SP100: variants seen among roughly 807,000 people sequenced by gnomAD.
SP100 encodes SP100 nuclear body protein, also known as nuclear autoantigen Sp-100.
In SP100, 84 loss-of-function variants were observed where a neutral mutation model predicts 130.0. That is an observed-to-expected ratio of 0.65 (90% CI 0.54 to 0.77). The LOEUF is 0.77. Ranked by LOEUF, SP100 falls within the 30% of genes least tolerant of loss-of-function variation. The pLI, the probability that SP100 is intolerant of heterozygous loss-of-function variation, is 0.00. For synonymous variants in SP100, 331 were observed against 351.7 expected, an observed-to-expected ratio of 0.94 and a Z score of 0.66; for missense variants, 978 against 1,052.2, an observed-to-expected ratio of 0.93 and a Z score of 0.97.
rs1485314178 is a variant in SP100 at position 230,443,061 on chromosome 2, C to T, written c.232C>T (p.Leu78Phe). The change falls in exon 3 of 29, where the codon CTC (leucine) becomes TTC (phenylalanine). Residue 78 changes from leucine to phenylalanine, a missense_variant. Coordinates refer to ENST00000340126, the MANE Select transcript of SP100 (RefSeq NM_001080391.2). ...IKKTFPFLEG[L>F]RDRDLITNKM... is the part of the protein sequence containing the mutation. ...AAAGACATTTCCATTCCTCGAGGGC[C>T]TCCGTGATCGTGATCTCATCACAAA... The T allele has an allele frequency of 4.3e-6, 7 of 1,613,934 alleles. No homozygotes were observed. The highest frequency in any genetic ancestry group is 5.9e-6 in the Non-Finnish European group (7 of 1,179,920).
chr2:230,491,973 A>G (rs760149620), intron 17 of SP100, among the ~76,000 whole-genome samples: 8 of 152,136 alleles, frequency 5.3e-5, no homozygotes, highest in African/African-American at 1.9e-4. Flanking sequence ...TATACTTCCA[A>G]TTTAAAGAAG....
In SP100 at chr2:230,543,458, T is replaced by C. The variant is rs958113342; in HGVS notation, c.*512T>C. 2 of 152,200 alleles carry C rather than the reference T, an allele frequency of 1.3e-5. No homozygotes were observed. Among genetic ancestry groups the C allele is most frequent in the African/African-American group, 4.8e-5 (2 of 41,434 alleles). The allele number at this position is 152,200 out of a possible 1,614,324, so 9.4% of individuals were successfully genotyped here. On this transcript the variant is annotated 3_prime_UTR_variant, in exon 29 of 29. Transcript: ENST00000340126. ...TTCTGCTGATAAACAATTTCAGAGA[T>C]GTTTCAGAATACAAAATTAGTATAT...
intron 2 of SP100, among the ~76,000 whole-genome samples, chr2:230,425,223 C>T (rs937964879): frequency 3.3e-4 from 50 of 152,110 alleles, no homozygotes; most frequent in African/African-American, 1.2e-3. Context: ...CTATAGTTTC[C>T]ATACTACACA....
At chr2:230,449,791 A>G (rs2149923925) in intron 7 of SP100, 81 bp downstream of exon 7, 4 of 1,392,854 alleles carry the variant, frequency 2.9e-6, no homozygotes, top group Non-Finnish European at 4.0e-6. Flanking sequence ...AATGCACAAT[A>G]CAAGGAGACA....
Position 230,544,318 on chromosome 2 carries a change from A to G in SP100, c.*1372A>G, listed in dbSNP as rs1692259624. On this transcript the variant is annotated 3_prime_UTR_variant, in exon 29 of 29. Transcript: ENST00000340126. ...TCTAATTAAACTTAAGAGATTCTGC[A>G]CAGCAAAAGAAACAATCAACAGAGT... Among the ~76,000 whole-genome samples, 1 of 152,276 alleles carries G rather than the reference A, an allele frequency of 6.6e-6. No individual in the cohort carries two copies. Among genetic ancestry groups the G allele is most frequent in the Admixed American group, 6.5e-5 (1 of 15,290 alleles).
intron 20 of SP100, 73 bp downstream of exon 20, chr2:230,503,183 A>G: frequency 8.6e-7 from 1 of 1,167,784 alleles, no homozygotes; most frequent in Non-Finnish European, 1.2e-6. Flanking sequence ...GTGAGTAACA[A>G]GTCAGTTTTC....
intron 15 of SP100, 158 bp from the exon 16 acceptor site, chr2:230,473,166 A>C (rs2149999325): frequency 1.8e-6 from 1 of 542,552 alleles, no homozygotes; most frequent in East Asian, 2.9e-5. Flanking sequence ...ACAGAAGGGA[A>C]AAATACAGTG....
chr2:230,489,024 T>C (rs1023254262), intron 17 of SP100, among the ~76,000 whole-genome samples: 1 of 152,222 alleles, frequency 6.6e-6, no homozygotes, highest in Non-Finnish European at 1.5e-5. Flanking sequence ...ATCAGGATGA[T>C]GCTGGCTTCA....
chr2:230,418,802 T>G (rs1479039808), intron 2 of SP100, among the ~76,000 whole-genome samples: 2 of 152,118 alleles, frequency 1.3e-5, no homozygotes, highest in Non-Finnish European at 2.9e-5. Flanking sequence ...TTCTCTCCCC[T>G]TGGCCGGTGA....
chr2:230,432,032 TG>T (rs2063113751), intron 2 of SP100, among the ~76,000 whole-genome samples: 1 of 152,246 alleles, frequency 6.6e-6, no homozygotes, highest in Non-Finnish European at 1.5e-5. Flanking sequence ...CATGACTATT[TG>T]GGATCAATTC....
chr2:230,501,764 C>T (rs977621202), intron 19 of SP100, among the ~76,000 whole-genome samples: 3 of 152,192 alleles, frequency 2.0e-5, no homozygotes, highest in African/African-American at 7.2e-5. Context: ...CACTTTGTGT[C>T]CCTGACTTCA....
At chr2:230,432,445 T>G (rs951035036) in intron 2 of SP100, among the ~76,000 whole-genome samples, 2 of 152,208 alleles carry the variant, frequency 1.3e-5, no homozygotes, top group African/African-American at 4.8e-5. Context: ...TGTTTCACTT[T>G]TTTCAAATCT....
intron 8 of SP100, among the ~76,000 whole-genome samples, chr2:230,454,816 TTTAAGTTTGATGTGTTC>T: frequency 6.6e-6 from 1 of 152,230 alleles, no homozygotes; most frequent in Admixed American, 6.5e-5. Context: ...TAAAGTATAG[TTTAAGTTTGATGTGTTC>T]TTATTGATTT....
intron 17 of SP100, among the ~76,000 whole-genome samples, chr2:230,479,599 C>T (rs181510782): frequency 1.3e-5 from 2 of 152,242 alleles, no homozygotes; most frequent in Admixed American, 1.3e-4. Context: ...TGGGTTAGGA[C>T]GTACAAACAG....
intron 13 of SP100, among the ~76,000 whole-genome samples, chr2:230,468,192 G>A (rs1564323): frequency 0.23 from 35,237 of 152,038 alleles, 4,919 homozygotes; most frequent in Middle Eastern, 0.33. Flanking sequence ...GTTATAGGAG[G>A]AGACAAGACT....
Position 230,466,308 on chromosome 2 carries a change from G to A in SP100, c.1149G>A (p.Met383Ile). The A allele has an allele frequency of 6.3e-7, 1 of 1,579,054 alleles. No individual in the cohort carries two copies. Among genetic ancestry groups the A allele is most frequent in the East Asian group, 2.2e-5 (1 of 44,630 alleles). Residue 383 changes from methionine to isoleucine, a missense_variant, in exon 12 of 29, where the codon ATG (methionine) becomes ATA (isoleucine). By Grantham distance (10) the Met-to-Ile change is conservative (BLOSUM62 1). Transcript: ENST00000340126. ...CTCCCTTTTACTTTACAGAGCCCAT[G>A]GATTTCAGAAAATTATCTACATTCA... The part of the protein sequence containing the change: ...CSRPQIVPEP[M>I]DFRKLSTFRE...
chr2:230,530,867 A>C (rs538255401), intron 24 of SP100, among the ~76,000 whole-genome samples: 1 of 152,366 alleles, frequency 6.6e-6, no homozygotes, highest in Non-Finnish European at 1.5e-5. Flanking sequence ...AACCACAATG[A>C]GATACCATCT....
Position 230,540,934 on chromosome 2 carries a change from A to G in SP100, c.2269A>G (p.Ser757Gly). The change falls in exon 26 of 29, where the codon AGC (serine) becomes GGC (glycine). Residue 757 changes from serine to glycine, a missense_variant. By Grantham distance (56) the Ser-to-Gly change is moderately conservative. Coordinates refer to ENST00000340126, the MANE Select transcript of SP100 (RefSeq NM_001080391.2). ...IKTIQERCPESQSGHQESEVL... is the reference protein window; with the variant it reads ...IKTIQERCPEGQSGHQESEVL... Reference sequence around the variant, plus strand: ...GACTATTCAGGAAAGATGCCCAGAAAGCCAATCAGGTCATCAGGAATCTGA... The same window carrying G: ...GACTATTCAGGAAAGATGCCCAGAAGGCCAATCAGGTCATCAGGAATCTGA... 1 of 1,613,878 alleles carries G rather than the reference A, an allele frequency of 6.2e-7. No homozygotes were observed. The highest frequency in any genetic ancestry group is 8.5e-7 in the Non-Finnish European group (1 of 1,179,788).
intron 24 of SP100, among the ~76,000 whole-genome samples, chr2:230,528,678 T>C (rs1319403143): frequency 1.3e-5 from 2 of 151,942 alleles, no homozygotes; most frequent in Non-Finnish European, 2.9e-5. Flanking sequence ...GATAGACCAC[T>C]AGCAAGACTA....
Sources: allele counts gnomAD v4.1 joint callset (sites outside exome capture counted in the v4.1 genomes callset), GRCh38; gene constraint gnomAD v4.1.1; transcripts MANE v1.5; gene names NCBI Gene and HGNC (gene_info 2026-07-23, HGNC 2026-07-21).